Variants in PIK3C2G observed in about 807,000 individuals in gnomAD.
PIK3C2G encodes the protein phosphatidylinositol-4-phosphate 3-kinase catalytic subunit type 2 gamma.
A neutral mutation model predicts 181.1 loss-of-function variants in PIK3C2G; 168 were observed. That is an observed-to-expected ratio of 0.93 (90% CI 0.82 to 1.05). The LOEUF (loss-of-function observed/expected upper bound fraction) is 1.05, where lower values mean the gene tolerates loss of function less well. PIK3C2G is among the 50% of genes least tolerant of loss of function. PIK3C2G has a pLI of 0.00. For missense variants in PIK3C2G, 1,869 were observed against 1,732.8 expected, an observed-to-expected ratio of 1.08 and a Z score of -1.40; for synonymous variants, 573 against 592.2, an observed-to-expected ratio of 0.97 and a Z score of 0.47.
chr12:18,592,827 G>T (rs1049679959), intron 29 of PIK3C2G, among the ~76,000 whole-genome samples: 2 of 151,880 alleles, frequency 1.3e-5, no homozygotes, highest in Non-Finnish European at 2.9e-5. Context: ...CTTCTACAAG[G>T]TTCCTGAGGA....
intron 12 of PIK3C2G, among the ~76,000 whole-genome samples, chr12:18,363,298 T>C (rs1377218680): frequency 6.6e-6 from 1 of 152,154 alleles, no homozygotes; most frequent in Non-Finnish European, 1.5e-5. Context: ...AAGTACAAAT[T>C]TATTTAAACA....
chr12:18,484,757 T>C (rs1338503349), intron 18 of PIK3C2G, among the ~76,000 whole-genome samples: 1 of 152,184 alleles, frequency 6.6e-6, no homozygotes, highest in African/African-American at 2.4e-5. Context: ...AAAATAAAGT[T>C]GCTAACGCTA....
At chr12:18,650,738 A>ATATC (rs1950469993), downstream of PIK3C2G, among the ~76,000 whole-genome samples, 4 of 30,830 alleles carry the variant, frequency 1.3e-4, no homozygotes, top group Admixed American at 8.8e-4. Flanking sequence ...ATATATATAT[A>ATATC]TATATATATA....
At chr12:18,605,921 G>A (rs1947993243) in intron 30 of PIK3C2G, among the ~76,000 whole-genome samples, 1 of 152,138 alleles carries the variant, frequency 6.6e-6, no homozygotes, top group Admixed American at 6.6e-5. Context: ...TGGACCAAGT[G>A]CCTGAGTTTC....
chr12:18,625,692 A>G (rs951153044), intron 31 of PIK3C2G, among the ~76,000 whole-genome samples: 5 of 151,838 alleles, frequency 3.3e-5, no homozygotes, highest in Admixed American at 6.6e-5. Context: ...CTTTATACAT[A>G]TAGCTCTTCC....
chr12:18,457,071 T>C (rs752909929), intron 18 of PIK3C2G, among the ~76,000 whole-genome samples: 2 of 151,430 alleles, frequency 1.3e-5, no homozygotes, highest in Non-Finnish European at 2.9e-5. Context: ...AATGGAAACA[T>C]AGAAAAAGGA....
intron 1 of PIK3C2G, among the ~76,000 whole-genome samples, chr12:18,262,790 C>CA (rs1353578020): frequency 2.0e-5 from 3 of 152,100 alleles, no homozygotes; most frequent in African/African-American, 7.2e-5. Flanking sequence ...AAGCCCTCTT[C>CA]AAGTAAGCAA....
At chr12:18,286,798 A>G in intron 2 of PIK3C2G, 49 bp from the exon 3 acceptor site, 1 of 954,102 alleles carries the variant, frequency 1.0e-6, no homozygotes, top group Non-Finnish European at 1.6e-6. Flanking sequence ...GAATTATTTA[A>G]TAGTTTCTCT....
At chr12:18,577,260 C>T (rs1210392146) in intron 29 of PIK3C2G, among the ~76,000 whole-genome samples, 3 of 152,170 alleles carry the variant, frequency 2.0e-5, no homozygotes, top group Admixed American at 6.5e-5. Context: ...CAGCACAGCA[C>T]GGCAAGGCTT....
intron 1 of PIK3C2G, among the ~76,000 whole-genome samples, chr12:18,271,633 T>C (rs1052870795): frequency 2.0e-5 from 3 of 152,164 alleles, no homozygotes; most frequent in South Asian, 2.1e-4. Flanking sequence ...CCTCTCAGAC[T>C]ATTCTGTACT....
chr12:18,632,046 G>A (rs183441978), intron 31 of PIK3C2G, among the ~76,000 whole-genome samples: 42 of 152,212 alleles, frequency 2.8e-4, no homozygotes, highest in Non-Finnish European at 5.3e-4. Context: ...CTGGGAGGAT[G>A]ATGGTACTGG....
the PIK3C2G span, chr12:18,688,000 A>G: frequency 1.3e-6 from 2 of 1,532,160 alleles, no homozygotes; most frequent in African/African-American, 1.4e-5. Flanking sequence ...TGAATAATAA[A>G]TATGTACAAA....
intron 13 of PIK3C2G, among the ~76,000 whole-genome samples, chr12:18,380,355 C>G (rs547686307): frequency 6.6e-6 from 1 of 152,266 alleles, no homozygotes; most frequent in South Asian, 2.1e-4. Context: ...AACATTTTCT[C>G]TAAATGCTGT....
chr12:18,362,866 CT>C lies in PIK3C2G; in HGVS notation c.1730del (p.Leu577TrpfsTer14). 6.6e-7 allele frequency: 1 copy of C among 1,506,832 alleles called. No individual in the cohort carries two copies. Among genetic ancestry groups the C allele is most frequent in the Non-Finnish European group, 8.8e-7 (1 of 1,131,346 alleles). The allele number at this position is 1,506,832 out of a possible 1,614,324, so 93.3% of individuals were successfully genotyped here. A position where few individuals can be genotyped will look rare whatever the true frequency, so the allele number is the denominator to read the frequency against. Reference protein sequence around the residue: ...NIPDKKLFFFLVNWNETINFP... With the variant: ...NIPDKKLFFFXVNWNETINFP... ...TTCCAGACAAGAAATTATTTTTTTTCTTGGTCAACTGGAATGAAACGTAAGT... is the reference window on the plus strand; with the variant it reads ...TTCCAGACAAGAAATTATTTTTTTTCTGGTCAACTGGAATGAAACGTAAGT... On this transcript the variant is annotated frameshift_variant, in exon 12 of 33. Transcript: ENST00000538779. LOFTEE classifies it high-confidence loss of function.
chr12:18,706,359 T>C, the PIK3C2G span, among the ~76,000 whole-genome samples: 2 of 152,214 alleles, frequency 1.3e-5, no homozygotes, highest in South Asian at 2.1e-4. Context: ...ATTGTTAATA[T>C]ACAAATATTT....
At chr12:18,726,610 A>C in the PIK3C2G span, among the ~76,000 whole-genome samples, 1 of 152,166 alleles carries the variant, frequency 6.6e-6, no homozygotes, top group Non-Finnish European at 1.5e-5. Context: ...GTACACTTTC[A>C]GAAACAGAAT....
At chr12:18,397,126 T>G (rs1029903959) in intron 15 of PIK3C2G, among the ~76,000 whole-genome samples, 1 of 151,946 alleles carries the variant, frequency 6.6e-6, no homozygotes, top group Non-Finnish European at 1.5e-5. Context: ...AGAGACCTAT[T>G]TGTATGTTCA....
intron 16 of PIK3C2G, among the ~76,000 whole-genome samples, chr12:18,401,379 A>T (rs935977497): frequency 1.3e-5 from 2 of 152,104 alleles, no homozygotes; most frequent in East Asian, 3.9e-4. Flanking sequence ...GTGTTTAAAG[A>T]TCCTTTTGGA....
the PIK3C2G span, chr12:18,694,168 G>C: frequency 4.4e-6 from 3 of 683,630 alleles, no homozygotes; most frequent in Middle Eastern, 4.1e-4. Context: ...GAGGCTGGGG[G>C]AGTTGCCCAG....
Sources: gnomAD v4.1 joint callset for allele counts (sites outside exome capture counted in the v4.1 genomes callset) on GRCh38, gnomAD v4.1.1 for gene constraint, MANE v1.5 for transcripts, NCBI Gene and HGNC (gene_info 2026-07-23, HGNC 2026-07-21) for gene names.